Variants in COL17A1 observed in about 807,000 individuals in gnomAD.
The protein encoded by COL17A1 is collagen alpha-1(XVII) chain.
Under a neutral mutation model 218.4 loss-of-function variants are expected in COL17A1, and 181 were observed. That is an observed-to-expected ratio of 0.83 (90% confidence interval 0.73 to 0.94). COL17A1 has a LOEUF of 0.94. COL17A1 is among the 40% of genes least tolerant of loss of function. The probability of loss-of-function intolerance (pLI) is 0.00; values close to 1 mark genes in which losing one functional copy is unlikely to be tolerated. For missense variants in COL17A1, 1,924 were observed against 1,945.9 expected, an observed-to-expected ratio of 0.99 and a Z score of 0.21; for synonymous variants, 721 against 731.0, an observed-to-expected ratio of 0.99 and a Z score of 0.22.
rs1271747682 is a variant in COL17A1, at chr10:104,050,511, G to T, written c.2128+110C>A. 9 of 1,573,544 alleles carry T rather than the reference G, an allele frequency of 5.7e-6. No individual in the cohort carries two copies. In the Admixed American group the frequency reaches 1.5e-4, roughly 26 times the overall value. On this transcript the variant is annotated intron_variant, in intron 27 of 55. Coordinates refer to ENST00000648076, the MANE Select transcript of COL17A1 (RefSeq NM_000494.4). ...TATCTGAGAGGTTGGATTAGAATGA[G>T]ATCTTGGTCCAGGTCCTGTGCACCC...
intron 1 of COL17A1, among the ~76,000 whole-genome samples, chr10:104,080,904 G>T (rs2086759320): frequency 6.6e-6 from 1 of 152,150 alleles, no homozygotes; most frequent in Non-Finnish European, 1.5e-5. Context: ...TTTGTGCTGG[G>T]ATCTTGTTTT....
rs990187694 is a variant in COL17A1 at position 104,041,484 on chromosome 10, C to T, written c.2605+1G>A. 1.9e-6 allele frequency: 3 copies of T among 1,609,204 alleles called. No individual in the cohort carries two copies. The highest frequency in any genetic ancestry group is 1.3e-5 in the African/African-American group (1 of 74,456). ...CTTCCAAAGGTCTCCAAGATACTCA[C>T]CTGGTGGCCCGCGTGGGCCGGGTGG... On this transcript the variant is annotated splice_donor_variant, in intron 37 of 55. Transcript: ENST00000648076. LOFTEE classifies it high-confidence loss of function.
Position 104,031,986 on chromosome 10 carries a change from G to C in COL17A1, c.*249C>G. The C allele has an allele frequency of 1.7e-6, 1 of 585,104 alleles. No homozygotes were observed. The highest frequency in any genetic ancestry group is 2.9e-5 in the East Asian group (1 of 34,988). 36.2% of individuals were successfully genotyped at this position (585,104 alleles called of 1,614,324 possible). On this transcript the variant is annotated 3_prime_UTR_variant, in exon 56 of 56. Transcript: ENST00000648076. ...GAGTTCAGATCTAGATAGCAGAGAA[G>C]TAAGTCTCATTCTAAAACATTGCAA... is the stretch of plus-strand genomic sequence containing the variant.
chr10:104,039,098 G>C lies in COL17A1; in HGVS notation c.2920C>G (p.Leu974Val), dbSNP rs1237336901. ...TCAGAAGGACCACTAGGAATGCCAA[G>C]AGCCCCTGGAACACCTGGATCACCT... Reference protein sequence around the residue: ...DKGDPGVPGALGIPSGPSEGG... With the variant: ...DKGDPGVPGAVGIPSGPSEGG... The change falls in exon 44 of 56, where the codon CTT becomes GTT. Residue 974 changes from leucine to valine, a missense_variant. By Grantham distance (32) the Leu-to-Val change is conservative. Coordinates refer to ENST00000648076, the MANE Select transcript of COL17A1 (RefSeq NM_000494.4). The C allele has an allele frequency of 2.5e-6, 4 of 1,614,178 alleles. No homozygotes were observed. The highest frequency in any genetic ancestry group is 2.2e-5 in the East Asian group (1 of 44,884).
intron 9 of COL17A1, among the ~76,000 whole-genome samples, chr10:104,067,334 T>TAAAAAAAAAAAAAAAAAA (rs58260510): frequency 9.1e-6 from 1 of 110,428 alleles, no homozygotes; most frequent in African/African-American, 3.7e-5. Context: ...GGCTCAGGAA[T>TAAAAAAAAAAAAAAAAAA]AAAAAAAAAA....
chr10:104,053,729 A>G (rs1337139688), intron 22 of COL17A1, among the ~76,000 whole-genome samples, 191 bp downstream of exon 22: 3 of 151,780 alleles, frequency 2.0e-5, no homozygotes, highest in African/African-American at 7.3e-5. Context: ...AGACTTCACT[A>G]TTTCTCACAG....
At chr10:104,050,149 A>G in intron 27 of COL17A1, 25 bp from the exon 28 acceptor site, 2 of 1,613,882 alleles carry the variant, frequency 1.2e-6, no homozygotes, top group Middle Eastern at 1.6e-4. Context: ...GGGGAGGTGG[A>G]AAAAGCCACA....
intron 8 of COL17A1, 24 bp from the exon 9 acceptor site, chr10:104,070,593 T>G (rs1168117981): frequency 6.2e-7 from 1 of 1,614,206 alleles, no homozygotes; most frequent in African/African-American, 1.3e-5. Flanking sequence ...CACAGACGTT[T>G]CTGTTAAGTC....
intron 15 of COL17A1, chr10:104,059,327 AT>A: frequency 2.4e-6 from 1 of 416,144 alleles, no homozygotes; most frequent in Non-Finnish European, 4.4e-6. Context: ...TTTGCAAAGC[AT>A]TTTTCTATTA....
At position 104,059,730 on chromosome 10, in the gene COL17A1, A is replaced by G. The variant is rs1255819431; in HGVS notation, c.1142-12T>C. ...TTCTGAAAAAGAAGCTATGTACAGA[A>G]CCCATTATAACCTGGCATATTCTCT... On this transcript the variant is annotated splice_polypyrimidine_tract_variant and intron_variant, in intron 14 of 55. Coordinates refer to ENST00000648076, the MANE Select transcript of COL17A1 (RefSeq NM_000494.4). 6.2e-7 allele frequency: 1 copy of G among 1,612,522 alleles called. No individual in the cohort carries two copies. The highest frequency in any genetic ancestry group is 1.3e-5 in the African/African-American group (1 of 74,828).
Position 104,059,571 on chromosome 10 carries a change from C to T in COL17A1, c.1222+67G>A, listed in dbSNP as rs562094374. ...ACCACACTTTGAGTAGCAAGGTCTC[C>T]GAAGACAATGAAATGAAATGTGGCC... On this transcript the variant is annotated intron_variant, in intron 15 of 55. Transcript: ENST00000648076. The T allele has an allele frequency of 3.0e-4, 441 of 1,459,588 alleles. 2 individuals are homozygous for T. In the South Asian group the frequency reaches 4.2e-3, roughly 14 times the overall value. The allele number at this position is 1,459,588 out of a possible 1,614,324, so 90.4% of individuals were successfully genotyped here. A position where few individuals can be genotyped will look rare whatever the true frequency, so the allele number is the denominator to read the frequency against.
chr10:104,083,904 C>T lies in COL17A1; in HGVS notation c.-12+1819G>A, dbSNP rs532486729. Among the ~76,000 whole-genome samples, 17 of 152,340 alleles carry T rather than the reference C, an allele frequency of 1.1e-4. 1 individual carries two copies. The South Asian group carries it at 2.7e-3, about 24-fold the overall frequency. ...TTTTTATAGCTTCTATTACTCCATT[C>T]TCTATACACTTTAAATTTTAAAACA... On this transcript the variant is annotated intron_variant, in intron 1 of 55. Coordinates refer to ENST00000648076, the MANE Select transcript of COL17A1 (RefSeq NM_000494.4).
chr10:104,062,174 AT>A lies in COL17A1; in HGVS notation c.910+83del, dbSNP rs2086588460. 1.9e-6 allele frequency: 3 copies of A among 1,603,566 alleles called. No homozygotes were observed. In the East Asian group the frequency reaches 6.7e-5, roughly 36 times the overall value. ...GAAAGGTCGACTGATTTTCAGGGAC[AT>A]TTTGGGTCTCCTAATTCAGTGAGTT... On this transcript the variant is annotated intron_variant, in intron 12 of 55. Transcript: ENST00000648076.
At chr10:104,069,275 C>T (rs920319232) in intron 9 of COL17A1, among the ~76,000 whole-genome samples, 4 of 152,070 alleles carry the variant, frequency 2.6e-5, no homozygotes, top group South Asian at 2.1e-4. Flanking sequence ...CAACTGCCAC[C>T]GCCAGGAATG....
intron 5 of COL17A1, among the ~76,000 whole-genome samples, chr10:104,074,658 C>A (rs1355483247): frequency 6.6e-6 from 1 of 152,202 alleles, no homozygotes; most frequent in Non-Finnish European, 1.5e-5. Context: ...AATGAAGGTA[C>A]AAATCCCTGG....
chr10:104,036,101 TGGGA>T (rs2086291035), intron 48 of COL17A1, among the ~76,000 whole-genome samples: 1 of 91,188 alleles, frequency 1.1e-5, no homozygotes, highest in Non-Finnish European at 2.2e-5. Flanking sequence ...TGTGTGTGTA[TGGGA>T]GTGTGTGTGT....
At position 104,033,149 on chromosome 10, in the gene COL17A1, G is replaced by T. The variant is rs970030665; in HGVS notation, c.4294+89C>A. On this transcript the variant is annotated intron_variant, in intron 53 of 55. Coordinates refer to ENST00000648076, the MANE Select transcript of COL17A1 (RefSeq NM_000494.4). The stretch of plus-strand genomic sequence containing the variant: ...AGCATCTCAAATGTTAATAACTGGA[G>T]ATTTCTCATGAGACTGGTGTCTCTG... 7 of 1,541,962 alleles carry T rather than the reference G, an allele frequency of 4.5e-6. No individual in the cohort carries two copies. In the African/African-American group the frequency reaches 6.8e-5, roughly 15 times the overall value.
intron 50 of COL17A1, 83 bp from the exon 51 acceptor site, chr10:104,034,850 GC>G (rs988048682): frequency 3.9e-6 from 6 of 1,552,654 alleles, no homozygotes; most frequent in Non-Finnish European, 5.2e-6. Context: ...GGCGCTGTGG[GC>G]CCCACCTGAA....
At position 104,064,524 on chromosome 10, in the gene COL17A1, G is replaced by C. The variant is rs568269377; in HGVS notation, c.680C>G (p.Ala227Gly). 8.1e-6 allele frequency: 13 copies of C among 1,614,122 alleles called. No homozygotes were observed. Among genetic ancestry groups the C allele is most frequent in the Middle Eastern group, 1.7e-4 (1 of 6,060 alleles). ...PSHVWSSTLP[A>G]GSSMGTYHNN... ...GTGATAGGTCCCCATGGAGGACCCC[G>C]CGGGCAGGGTGGAGGACCACACATG... Residue 227 changes from alanine to glycine, a missense_variant, in exon 10 of 56, where the codon GCG becomes GGG. Ala to Gly is a moderately conservative substitution (Grantham distance 60). Transcript: ENST00000648076.
Sources: gnomAD v4.1 joint callset for allele counts (sites outside exome capture counted in the v4.1 genomes callset) on GRCh38, gnomAD v4.1.1 for gene constraint, MANE v1.5 for transcripts, NCBI Gene and HGNC (gene_info 2026-07-23, HGNC 2026-07-21) for gene names.